MBNL1: variants seen among roughly 807,000 people sequenced by gnomAD.
MBNL1 encodes the protein muscleblind-like protein 1.
In MBNL1, 8 loss-of-function variants were observed where a neutral mutation model predicts 42.2. That is an observed-to-expected ratio of 0.19 (90% CI 0.11 to 0.34). The LOEUF is 0.34. Among genes scored for constraint, MBNL1 ranks in the 10% least tolerant of loss-of-function variants. The pLI is 1.00. For synonymous variants in MBNL1, 169 were observed against 173.9 expected, an observed-to-expected ratio of 0.97 and a Z score of 0.22; for missense variants, 309 against 495.3, an observed-to-expected ratio of 0.62 and a Z score of 3.57.
At chr3:152,442,880 T>G (rs1356761462) in intron 4 of MBNL1, among the ~76,000 whole-genome samples, 2 of 152,214 alleles carry the variant, frequency 1.3e-5, no homozygotes, top group Non-Finnish European at 2.9e-5. Context: ...TTTCTCTTCC[T>G]TATTTTTTCA....
At chr3:152,306,554 C>T (rs1266340795) in intron 2 of MBNL1, among the ~76,000 whole-genome samples, 2 of 152,142 alleles carry the variant, frequency 1.3e-5, no homozygotes, top group Non-Finnish European at 2.9e-5. Context: ...TTTTCAGTCT[C>T]TTATTGACTG....
At chr3:152,444,567 C>T (rs374995574) in intron 4 of MBNL1, among the ~76,000 whole-genome samples, 26 of 152,288 alleles carry the variant, frequency 1.7e-4, no homozygotes, top group African/African-American at 5.1e-4. Flanking sequence ...TTTCTGTCTA[C>T]GCTTTACTGA....
rs575776453 is a variant in MBNL1, at chr3:152,306,870, C to T, written c.174+6503C>T. ...ACTGAAGTCTTCTCATCTTGACAAA[C>T]TTGTCATCACTTCTGTCTTGCTTAT... On this transcript the variant is annotated intron_variant, in intron 2 of 9. Coordinates refer to ENST00000324210, the MANE Select transcript of MBNL1 (RefSeq NM_021038.5). 4.0e-4 allele frequency among the ~76,000 whole-genome samples: 61 copies of T among 152,314 alleles called. No homozygotes were observed. In the Middle Eastern group the frequency reaches 0.01, roughly 25 times the overall value.
chr3:152,314,376 C>CT (rs766855642), intron 2 of MBNL1, among the ~76,000 whole-genome samples: 2,503 of 138,702 alleles, frequency 0.018, 43 homozygotes, highest in African/African-American at 0.045. Flanking sequence ...TGCTCCAAGA[C>CT]TTTTTTTTTT....
chr3:152,263,576 T>G (rs1372860788), upstream of MBNL1: 3 of 152,346 alleles, frequency 2.0e-5, no homozygotes, highest in East Asian at 3.9e-4. Flanking sequence ...CCATTTGCTG[T>G]CTGTTGCCTC....
intron 4 of MBNL1, among the ~76,000 whole-genome samples, chr3:152,441,045 A>G (rs2099139325): frequency 6.6e-6 from 1 of 152,172 alleles, no homozygotes; most frequent in Non-Finnish European, 1.5e-5. Flanking sequence ...TTCTTGTTAT[A>G]ATTAGCTTTC....
At chr3:152,288,489 C>A (rs1481925275) in intron 1 of MBNL1, among the ~76,000 whole-genome samples, 1 of 152,060 alleles carries the variant, frequency 6.6e-6, no homozygotes, top group Non-Finnish European at 1.5e-5. Context: ...TTATGTATAG[C>A]AGTTGTCAGA....
At chr3:152,267,063 C>G (rs2037375890), upstream of MBNL1, 1 of 152,422 alleles carries the variant, frequency 6.6e-6, no homozygotes, top group South Asian at 2.1e-4. Context: ...AGAAGGCTGG[C>G]AGACCCCTTG....
chr3:152,428,415 G>A (rs541180537), intron 3 of MBNL1, among the ~76,000 whole-genome samples: 9 of 152,270 alleles, frequency 5.9e-5, no homozygotes, highest in South Asian at 2.1e-4. Context: ...TTAGGAGTTC[G>A]TGGGAACAGA....
intron 2 of MBNL1, among the ~76,000 whole-genome samples, chr3:152,373,253 A>C (rs550539354): frequency 1.3e-5 from 2 of 149,938 alleles, no homozygotes; most frequent in Non-Finnish European, 3.0e-5. Context: ...GGTGGGATCC[A>C]CTGATCCACT....
chr3:152,329,072 G>A (rs2082337822), intron 2 of MBNL1, among the ~76,000 whole-genome samples: 1 of 151,948 alleles, frequency 6.6e-6, no homozygotes, highest in African/African-American at 2.4e-5. Context: ...AGTCACTTCT[G>A]GAAGGAAAAA....
chr3:152,332,664 G>A (rs1174705952), intron 2 of MBNL1, among the ~76,000 whole-genome samples: 2 of 150,496 alleles, frequency 1.3e-5, no homozygotes, highest in Non-Finnish European at 3.0e-5. Context: ...CACCATAAGA[G>A]TATTTTCTCT....
chr3:152,324,372 TC>T (rs1393549364), intron 2 of MBNL1, among the ~76,000 whole-genome samples: 3 of 152,186 alleles, frequency 2.0e-5, no homozygotes, highest in Non-Finnish European at 2.9e-5. Context: ...CTTGTTATCT[TC>T]CTGGTCATGT....
chr3:152,458,019 A>G (rs1195325567), intron 8 of MBNL1: 3 of 768,108 alleles, frequency 3.9e-6, no homozygotes, highest in Non-Finnish European at 7.0e-6. Flanking sequence ...TACATTAGCA[A>G]TGCTGGAAAT....
At chr3:152,275,825 G>A (rs1246597128) in intron 1 of MBNL1, among the ~76,000 whole-genome samples, 1 of 150,362 alleles carries the variant, frequency 6.7e-6, no homozygotes, top group Non-Finnish European at 1.5e-5. Flanking sequence ...CTTTGTAAAT[G>A]TAAGAAGTGA....
Position 152,307,383 on chromosome 3 carries a change from G to A in MBNL1, c.174+7016G>A, listed in dbSNP as rs565655017. Among the ~76,000 whole-genome samples the A allele has an allele frequency of 1.8e-4, 27 of 152,316 alleles. No individual in the cohort carries two copies. In the South Asian group the frequency reaches 5.2e-3, roughly 29 times the overall value. On this transcript the variant is annotated intron_variant, in intron 2 of 9. Transcript: ENST00000324210. Reference sequence around the variant, plus strand: ...AAACAGGTCCCAAGTGATTTTATATGACAAAAGAATCTGCACTTTGATTTG... The same window carrying A: ...AAACAGGTCCCAAGTGATTTTATATAACAAAAGAATCTGCACTTTGATTTG...
At chr3:152,452,498 CT>C (rs1725375258) in intron 6 of MBNL1, among the ~76,000 whole-genome samples, 1 of 152,176 alleles carries the variant, frequency 6.6e-6, no homozygotes, top group African/African-American at 2.4e-5. Context: ...CCGCTGCTCA[CT>C]GCTGATGTGA....
intron 2 of MBNL1, among the ~76,000 whole-genome samples, chr3:152,367,380 G>A (rs1410338879): frequency 6.6e-6 from 1 of 152,154 alleles, no homozygotes; most frequent in Non-Finnish European, 1.5e-5. Context: ...TGGCTGCATA[G>A]TATTCCATGG....
At chr3:152,279,857 A>G (rs977699780) in intron 1 of MBNL1, among the ~76,000 whole-genome samples, 3 of 152,158 alleles carry the variant, frequency 2.0e-5, no homozygotes, top group Non-Finnish European at 4.4e-5. Flanking sequence ...CATCTAATTT[A>G]TACATCAGTC....
Sources: gnomAD v4.1 joint callset for allele counts (sites outside exome capture counted in the v4.1 genomes callset) on GRCh38, gnomAD v4.1.1 for gene constraint, MANE v1.5 for transcripts, NCBI Gene and HGNC (gene_info 2026-07-23, HGNC 2026-07-21) for gene names.